The following NPAS2 variants were observed in gnomAD, a reference collection of about 807,000 sequenced individuals.
NPAS2 encodes neuronal PAS domain-containing protein 2.
NPAS2 carries 23 observed loss-of-function variants against 107.5 expected under a neutral mutation model. The observed-to-expected ratio is 0.21, with a 90% CI of 0.15 to 0.30. The LOEUF is 0.30. NPAS2 is among the 10% of genes least tolerant of loss of function. NPAS2 has a pLI of 1.00. For missense variants in NPAS2, 756 were observed against 1,043.3 expected, an observed-to-expected ratio of 0.72 and a Z score of 3.79; for synonymous variants, 403 against 417.5, an observed-to-expected ratio of 0.97 and a Z score of 0.42.
chr2:100,902,630 T>C (rs998189958), intron 1 of NPAS2, among the ~76,000 whole-genome samples: 3 of 152,178 alleles, frequency 2.0e-5, no homozygotes, highest in Non-Finnish European at 4.4e-5. Flanking sequence ...GAATGGATGG[T>C]GGTGATGGTT....
chr2:100,842,081 G>A (rs868624371), intron 1 of NPAS2, among the ~76,000 whole-genome samples: 56 of 148,902 alleles, frequency 3.8e-4, no homozygotes, highest in Middle Eastern at 6.9e-3. Flanking sequence ...GCATGTACGC[G>A]CACACACACA....
At chr2:100,988,488 T>C in intron 17 of NPAS2, 1 of 568,742 alleles carries the variant, frequency 1.8e-6, no homozygotes, top group East Asian at 2.9e-5. Flanking sequence ...CCTTCTGTGT[T>C]TTATAAATGT....
intron 1 of NPAS2, chr2:100,878,555 C>T (rs926297065): frequency 1.6e-5 from 16 of 985,326 alleles, no homozygotes; most frequent in Admixed American, 6.1e-5. Flanking sequence ...TGGTTTTAAC[C>T]GTCAACTGAA....
chr2:100,845,901 GT>G (rs764815877), intron 1 of NPAS2, among the ~76,000 whole-genome samples: 10 of 152,192 alleles, frequency 6.6e-5, no homozygotes, highest in Non-Finnish European at 1.5e-4. Flanking sequence ...ATGGCAGAGG[GT>G]TTTCTGGTCA....
At chr2:100,941,754 G>A (rs1674587151) in intron 5 of NPAS2, among the ~76,000 whole-genome samples, 1 of 152,164 alleles carries the variant, frequency 6.6e-6, no homozygotes, top group Admixed American at 6.5e-5. Flanking sequence ...ACGTGCCTTG[G>A]ACAGAATGGG....
rs1412126085 is a variant in NPAS2, at chr2:100,995,916, G to C, written c.*334G>C. On this transcript the variant is annotated 3_prime_UTR_variant, in exon 21 of 21. Transcript: ENST00000335681. ...TGCATCCCCCGAGAGTACACCGGTT[G>C]CTCTAGCCACCTGCGGCCCGCCCAT... The C allele has an allele frequency of 7.0e-7, 1 of 1,421,800 alleles. No individual in the cohort carries two copies. The highest frequency in any genetic ancestry group is 9.3e-7 in the Non-Finnish European group (1 of 1,072,386). 88.1% of individuals were successfully genotyped at this position (1,421,800 alleles called of 1,614,324 possible). A position where few individuals can be genotyped will look rare whatever the true frequency, so the allele number is the denominator to read the frequency against.
chr2:100,908,048 G>A (rs1050878630), intron 2 of NPAS2, among the ~76,000 whole-genome samples: 1 of 152,076 alleles, frequency 6.6e-6, no homozygotes, highest in African/African-American at 2.4e-5. Context: ...GTGCATGCGC[G>A]TGCATTTGTG....
At chr2:100,955,997 T>C (rs1675546205) in intron 7 of NPAS2, among the ~76,000 whole-genome samples, 1 of 152,124 alleles carries the variant, frequency 6.6e-6, no homozygotes, top group African/African-American at 2.4e-5. Context: ...CACCACCTCC[T>C]GGGCTCAAGA....
intron 7 of NPAS2, among the ~76,000 whole-genome samples, chr2:100,954,677 AAAAG>A (rs1418900142): frequency 3.8e-5 from 3 of 78,342 alleles, no homozygotes; most frequent in African/African-American, 5.8e-5. Flanking sequence ...AAAAAAAAAA[AAAAG>A]AAAAAAAAGA....
rs185575223 is a variant in NPAS2 at position 100,847,526 on chromosome 2, C to T, written c.-23+27112C>T. On this transcript the variant is annotated intron_variant, in intron 1 of 20. Transcript: ENST00000335681. Reference sequence around the variant, plus strand: ...CTGGGACTATAGGCACCCACCACCGCGCCTGGCTAATTTTTTTGTATTTTT... The same window carrying T: ...CTGGGACTATAGGCACCCACCACCGTGCCTGGCTAATTTTTTTGTATTTTT... 2.0e-3 allele frequency among the ~76,000 whole-genome samples: 308 copies of T among 151,428 alleles called. 3 individuals are homozygous for T. Among genetic ancestry groups the T allele is most frequent in the African/African-American group, 7.1e-3 (294 of 41,508 alleles).
intron 1 of NPAS2, among the ~76,000 whole-genome samples, chr2:100,840,718 G>A (rs1466540722): frequency 6.6e-6 from 1 of 152,070 alleles, no homozygotes; most frequent in Non-Finnish European, 1.5e-5. Context: ...TGCCTGTGAA[G>A]TCATCAGTTT....
At chr2:100,865,493 C>T (rs915828622) in intron 1 of NPAS2, among the ~76,000 whole-genome samples, 3 of 152,192 alleles carry the variant, frequency 2.0e-5, no homozygotes, top group South Asian at 2.1e-4. Context: ...GTTCCCTGAC[C>T]GGTGACTGCT....
At chr2:100,972,870 A>G (rs1000356870) in intron 12 of NPAS2, 1 of 152,172 alleles carries the variant, frequency 6.6e-6, no homozygotes, top group African/African-American at 2.4e-5. Flanking sequence ...TCTCATCAAA[A>G]TGCATATATG....
chr2:100,828,284 C>T (rs1453141711), intron 1 of NPAS2, among the ~76,000 whole-genome samples: 1 of 151,622 alleles, frequency 6.6e-6, no homozygotes, highest in Non-Finnish European at 1.5e-5. Context: ...TGTTTAAGTT[C>T]CTTATAGATT....
chr2:100,988,377 C>T, intron 17 of NPAS2, 101 bp downstream of exon 17: 1 of 974,224 alleles, frequency 1.0e-6, no homozygotes, highest in South Asian at 1.5e-5. Flanking sequence ...GAACTGAGGC[C>T]TACTGCCCTG....
chr2:100,979,502 A>ATATATATATATT (rs1403246843), intron 15 of NPAS2, among the ~76,000 whole-genome samples: 7 of 43,334 alleles, frequency 1.6e-4, no homozygotes, highest in African/African-American at 6.9e-4. Context: ...ATATATATAT[A>ATATATATATATT]TTTTTTTTTT....
intron 1 of NPAS2, chr2:100,821,311 A>T: frequency 3.3e-6 from 3 of 909,880 alleles, no homozygotes; most frequent in South Asian, 3.5e-5. Flanking sequence ...AAGTCTAAAC[A>T]CTCCCGAGCT....
chr2:100,941,678 A>G (rs1674581794), intron 5 of NPAS2, among the ~76,000 whole-genome samples: 1 of 152,204 alleles, frequency 6.6e-6, no homozygotes, highest in Non-Finnish European at 1.5e-5. Flanking sequence ...CATACAATGG[A>G]GGCCAAGGGC....
In NPAS2 at chr2:100,964,896, C is replaced by A; in HGVS notation, c.753C>A (p.Phe251Leu). The A allele has an allele frequency of 6.4e-7, 1 of 1,573,638 alleles. No homozygotes were observed. Among genetic ancestry groups the A allele is most frequent in the Non-Finnish European group, 8.6e-7 (1 of 1,169,378 alleles). ...MCIVDEPLEE[F>L]TSRHSLEWKF... ...TAGTTGACGAACCTTTAGAGGAATT[C>A]ACTTCAAGGCATAGCTTGGAATGGA... is the stretch of plus-strand genomic sequence containing the variant. The change falls in exon 9 of 21, where the codon TTC becomes TTA. Residue 251 changes from phenylalanine (F) to leucine (L), a missense_variant. Around this residue, in one of 4 missense-constraint regions of NPAS2, gnomAD observed 84 missense variants for 175.5 expected, o/e 0.48. Coordinates refer to ENST00000335681, the MANE Select transcript of NPAS2 (RefSeq NM_002518.4).
Sources: gnomAD v4.1 joint callset for allele counts (sites outside exome capture counted in the v4.1 genomes callset) on GRCh38, gnomAD v4.1.1 for gene constraint, gnomAD v4.1.1 regional missense constraint, MANE v1.5 for transcripts, NCBI Gene and HGNC (gene_info 2026-07-23, HGNC 2026-07-21) for gene names.